Variants in R3HDM2 observed in about 807,000 individuals in gnomAD.
R3HDM2 encodes R3H domain containing 2.
Under a neutral mutation model 124.5 loss-of-function variants are expected in R3HDM2, and 38 were observed. That is an observed-to-expected ratio of 0.31 (90% CI 0.24 to 0.40). The LOEUF is 0.40. Ranked by LOEUF, R3HDM2 falls within the 10% of genes least tolerant of loss-of-function variation. The pLI, the probability that R3HDM2 is intolerant of heterozygous loss-of-function variation, is 1.00. For missense variants in R3HDM2, 869 were observed against 1,236.9 expected (o/e 0.70, Z 4.46); for synonymous variants, 391 against 448.0 (o/e 0.87, Z 1.61).
At chr12:57,352,770 A>G (rs1257924520) in intron 2 of R3HDM2, among the ~76,000 whole-genome samples, 1 of 152,140 alleles carries the variant, frequency 6.6e-6, no homozygotes, top group Non-Finnish European at 1.5e-5. Flanking sequence ...CTGGGATTAC[A>G]GGCGTGAACC....
intron 2 of R3HDM2, among the ~76,000 whole-genome samples, chr12:57,368,342 A>G (rs1300528837): frequency 1.3e-5 from 2 of 152,228 alleles, no homozygotes; most frequent in Non-Finnish European, 2.9e-5. Context: ...CACGGTATGT[A>G]GTAAAGAATT....
chr12:57,383,429 G>A (rs1305634097), intron 2 of R3HDM2, among the ~76,000 whole-genome samples: 3 of 152,266 alleles, frequency 2.0e-5, no homozygotes, highest in Non-Finnish European at 2.9e-5. Flanking sequence ...TCGGCAGGGC[G>A]CTGTGGCTAA....
At chr12:57,384,857 C>T (rs2065465124) in intron 2 of R3HDM2, among the ~76,000 whole-genome samples, 1 of 152,086 alleles carries the variant, frequency 6.6e-6, no homozygotes, top group Non-Finnish European at 1.5e-5. Context: ...GTGAAAAGTA[C>T]TCTGGCCCAG....
intron 2 of R3HDM2, among the ~76,000 whole-genome samples, chr12:57,367,565 T>C (rs1052745925): frequency 2.0e-5 from 3 of 152,180 alleles, no homozygotes; most frequent in Non-Finnish European, 4.4e-5. Context: ...GATTGCCAGC[T>C]CTGTATGTGT....
At chr12:57,326,727 T>C (rs2057358796) in intron 2 of R3HDM2, among the ~76,000 whole-genome samples, 1 of 152,240 alleles carries the variant, frequency 6.6e-6, no homozygotes, top group Non-Finnish European at 1.5e-5. Context: ...TCATCTTTCA[T>C]AGCTAGAGAG....
intron 13 of R3HDM2, among the ~76,000 whole-genome samples, chr12:57,280,873 T>C (rs1266873948): frequency 6.6e-6 from 1 of 152,180 alleles, no homozygotes; most frequent in Admixed American, 6.5e-5. Context: ...AAAATATAAA[T>C]GCTTACTTCC....
At chr12:57,265,635 T>C (rs1204691893) in intron 19 of R3HDM2, among the ~76,000 whole-genome samples, 5 of 152,160 alleles carry the variant, frequency 3.3e-5, no homozygotes, top group Non-Finnish European at 1.5e-5. Flanking sequence ...TTCTTTTTTT[T>C]TCCCCCTAGA....
At chr12:57,318,258 C>T (rs1593197070) in intron 2 of R3HDM2, among the ~76,000 whole-genome samples, 1 of 152,034 alleles carries the variant, frequency 6.6e-6, no homozygotes, top group East Asian at 1.9e-4. Flanking sequence ...TACTACTGCA[C>T]TCCAACCTGG....
intron 3 of R3HDM2, among the ~76,000 whole-genome samples, chr12:57,304,274 C>T (rs116067490): frequency 0.011 from 1,708 of 152,024 alleles, 26 homozygotes; most frequent in African/African-American, 0.039. Flanking sequence ...GGTGGGATGA[C>T]GGAAAGAACA....
At chr12:57,375,675 CTTT>C (rs35984368) in intron 2 of R3HDM2, among the ~76,000 whole-genome samples, 10 of 133,350 alleles carry the variant, frequency 7.5e-5, no homozygotes, top group Non-Finnish European at 4.8e-5. Flanking sequence ...AGATCAGCTG[CTTT>C]TTTTTTTTTT....
chr12:57,370,286 A>G (rs2063159926), intron 2 of R3HDM2, among the ~76,000 whole-genome samples: 1 of 151,954 alleles, frequency 6.6e-6, no homozygotes, highest in South Asian at 2.1e-4. Context: ...CCTTTCCACC[A>G]TGACAGTAAG....
At chr12:57,346,852 A>T (rs2060140045) in intron 2 of R3HDM2, among the ~76,000 whole-genome samples, 1 of 152,250 alleles carries the variant, frequency 6.6e-6, no homozygotes, top group African/African-American at 2.4e-5. Context: ...TGTAACAGAT[A>T]AGGCAACTAC....
intron 3 of R3HDM2, among the ~76,000 whole-genome samples, chr12:57,306,801 G>A (rs1023344137): frequency 6.6e-6 from 1 of 152,104 alleles, no homozygotes; most frequent in Non-Finnish European, 1.5e-5. Flanking sequence ...GATCACCTGA[G>A]GTCAGGATAT....
At chr12:57,258,832 C>T (rs1444786511) in intron 20 of R3HDM2, 58 bp downstream of exon 20, 21 of 1,396,922 alleles carry the variant, frequency 1.5e-5, no homozygotes, top group South Asian at 3.5e-5. Context: ...GCAAACATTG[C>T]GCCCCGGGAA....
At chr12:57,260,001 T>C (rs1406106057) in intron 19 of R3HDM2, among the ~76,000 whole-genome samples, 1 of 152,012 alleles carries the variant, frequency 6.6e-6, no homozygotes, top group Non-Finnish European at 1.5e-5. Context: ...CAGTGGCTCA[T>C]GGCTGTAATC....
intron 2 of R3HDM2, among the ~76,000 whole-genome samples, chr12:57,330,321 T>A (rs1244154718): frequency 4.0e-5 from 6 of 151,354 alleles, no homozygotes; most frequent in Non-Finnish European, 8.8e-5. Context: ...TAACTTTGTA[T>A]CCTTCTATTT....
chr12:57,317,728 G>A (rs6581135), intron 2 of R3HDM2, among the ~76,000 whole-genome samples: 64,701 of 148,392 alleles, frequency 0.44, 14,835 homozygotes, highest in South Asian at 0.53. Context: ...CGGGTGGCTC[G>A]CGCCTGTAAA....
In R3HDM2 at chr12:57,368,319, A is replaced by T. The variant is rs112445422; in HGVS notation, c.-36+27430T>A. On this transcript the variant is annotated intron_variant, in intron 2 of 23. Transcript: ENST00000402412. ...TTCCCCTTCCTCTTAGTTAGGCCTA[A>T]CACTTCAACTAGCACGGTATGTAGT... Among the ~76,000 whole-genome samples, 504 of 152,306 alleles carry T rather than the reference A, an allele frequency of 3.3e-3. 3 individuals are homozygous for T. Among genetic ancestry groups the T allele is most frequent in the African/African-American group, 0.01 (427 of 41,570 alleles).
At chr12:57,273,518 A>AT (rs1555216208) in intron 14 of R3HDM2, among the ~76,000 whole-genome samples, 1 of 152,210 alleles carries the variant, frequency 6.6e-6, no homozygotes, top group Non-Finnish European at 1.5e-5. Context: ...TATTACATAC[A>AT]TTGTCTCATT....
Sources: gnomAD v4.1 joint callset for allele counts (sites outside exome capture counted in the v4.1 genomes callset) on GRCh38, gnomAD v4.1.1 for gene constraint, MANE v1.5 for transcripts, NCBI Gene and HGNC (gene_info 2026-07-23, HGNC 2026-07-21) for gene names.